The following SAMD8 variants were observed in gnomAD, a reference collection of about 807,000 sequenced individuals.
SAMD8 encodes the protein sphingomyelin synthase-related protein 1.
A neutral mutation model predicts 42.0 loss-of-function variants in SAMD8; 20 were observed. The ratio of observed to expected loss-of-function variants is 0.48; its 90% CI spans 0.34 to 0.69. SAMD8 has a LOEUF of 0.69. Ranked by LOEUF, SAMD8 falls within the 30% of genes least tolerant of loss-of-function variation. The pLI, the probability that SAMD8 is intolerant of heterozygous loss-of-function variation, is 0.01. For missense variants in SAMD8, 328 were observed against 511.6 expected (o/e 0.64, Z 3.46); for synonymous variants, 162 against 173.0 (o/e 0.94, Z 0.50).
chr10:75,106,943 C>G, upstream of SAMD8, among the ~76,000 whole-genome samples: 1 of 152,358 alleles, frequency 6.6e-6, no homozygotes, highest in Middle Eastern at 3.4e-3. Flanking sequence ...GTGAGGGACA[C>G]AGCTGTCTTC....
chr10:75,121,806 C>G (rs1332289493), intron 1 of SAMD8, among the ~76,000 whole-genome samples: 1 of 152,108 alleles, frequency 6.6e-6, no homozygotes, highest in Non-Finnish European at 1.5e-5. Context: ...ATTCTCCTGC[C>G]TCAGCCTCCC....
At chr10:75,115,636 A>T (rs1478578802) in intron 1 of SAMD8, among the ~76,000 whole-genome samples, 1 of 152,134 alleles carries the variant, frequency 6.6e-6, no homozygotes, top group Non-Finnish European at 1.5e-5. Context: ...TTGGGTCCTC[A>T]CAATACTATA....
rs551759327 is a variant in SAMD8 at position 75,116,924 on chromosome 10, C to T, written c.-16+5202C>T. The stretch of plus-strand genomic sequence containing the variant: ...TCCCGGGTTCAAGCAATTCTCCCAC[C>T]TCAGCCTCCCCAGTAGCTGGGATTA... On this transcript the variant is annotated intron_variant, in intron 1 of 5. Transcript: ENST00000542569. 2.5e-3 allele frequency among the ~76,000 whole-genome samples: 374 copies of T among 152,154 alleles called. 2 individuals are homozygous for T. Among genetic ancestry groups the T allele is most frequent in the Non-Finnish European group, 4.3e-3 (292 of 67,976 alleles).
At chr10:75,100,591 C>A (rs951792846) in intron 1 of SAMD8, among the ~76,000 whole-genome samples, 1 of 152,166 alleles carries the variant, frequency 6.6e-6, no homozygotes, top group Non-Finnish European at 1.5e-5. Flanking sequence ...GGCCCAACGT[C>A]CAGCAGGGCC....
At chr10:75,134,867 G>C (rs1048553050) in intron 1 of SAMD8, among the ~76,000 whole-genome samples, 1 of 151,122 alleles carries the variant, frequency 6.6e-6, no homozygotes, top group Non-Finnish European at 1.5e-5. Flanking sequence ...GACCAACCTG[G>C]GCAACATAGT....
intron 1 of SAMD8, among the ~76,000 whole-genome samples, chr10:75,124,481 C>T (rs891801611): frequency 1.3e-4 from 20 of 151,938 alleles, no homozygotes; most frequent in African/African-American, 4.6e-4. Context: ...GGCGTGGTGG[C>T]GCACGCCTGT....
upstream of SAMD8, chr10:75,108,276 GC>G (rs756023729): frequency 6.6e-7 from 1 of 1,523,116 alleles, no homozygotes; most frequent in Non-Finnish European, 8.7e-7. Context: ...GCTGTGCCTG[GC>G]CCCCTGCTGC....
chr10:75,159,360 G>GA (rs368350321), intron 2 of SAMD8, among the ~76,000 whole-genome samples: 158 of 152,082 alleles, frequency 1.0e-3, no homozygotes, highest in African/African-American at 3.7e-3. Context: ...CACCCAGCGG[G>GA]ACATGTATTA....
At chr10:75,114,351 G>A (rs571198645) in intron 1 of SAMD8, among the ~76,000 whole-genome samples, 3 of 143,956 alleles carry the variant, frequency 2.1e-5, no homozygotes, top group East Asian at 2.1e-4. Flanking sequence ...AAAAAAAATC[G>A]GTTTCTCTAA....
At chr10:75,108,308 G>A (rs1290021373), upstream of SAMD8, 18 of 1,487,160 alleles carry the variant, frequency 1.2e-5, no homozygotes, top group Non-Finnish European at 1.5e-5. Flanking sequence ...AGCCATTAGG[G>A]TCCAAAGAGA....
chr10:75,161,763 G>A (rs1840563178), intron 2 of SAMD8, among the ~76,000 whole-genome samples: 1 of 151,974 alleles, frequency 6.6e-6, no homozygotes, highest in South Asian at 2.1e-4. Flanking sequence ...GTTTACACCT[G>A]TAATCCTTTG....
At chr10:75,109,500 A>T (rs901296796), upstream of SAMD8, among the ~76,000 whole-genome samples, 1 of 152,240 alleles carries the variant, frequency 6.6e-6, no homozygotes, top group African/African-American at 2.4e-5. Context: ...GCTTAGAAAC[A>T]TCTGTGGAAT....
chr10:75,101,218 T>A (rs1848137777), intron 1 of SAMD8, among the ~76,000 whole-genome samples: 1 of 152,160 alleles, frequency 6.6e-6, no homozygotes. Flanking sequence ...CTTGCAGCTA[T>A]GTGGTCTTGT....
At chr10:75,148,190 C>T (rs570513008) in intron 1 of SAMD8, among the ~76,000 whole-genome samples, 2 of 152,142 alleles carry the variant, frequency 1.3e-5, no homozygotes, top group South Asian at 4.1e-4. Flanking sequence ...TGACATTCAT[C>T]TGTGGGTGGA....
chr10:75,122,641 G>A (rs528673612), intron 1 of SAMD8, among the ~76,000 whole-genome samples: 1 of 151,756 alleles, frequency 6.6e-6, no homozygotes, highest in Admixed American at 6.6e-5. Context: ...TTCTTGGCTG[G>A]GCACTGTGGC....
At chr10:75,106,101 C>CTTTTTTTTTT (rs767630456) in intron 1 of SAMD8, among the ~76,000 whole-genome samples, 2 of 123,018 alleles carry the variant, frequency 1.6e-5, no homozygotes, top group Admixed American at 7.9e-5. Context: ...TCTTTCTTTT[C>CTTTTTTTTTT]TTTTTTTTTT....
intron 2 of SAMD8, among the ~76,000 whole-genome samples, chr10:75,153,141 C>T (rs1280680565): frequency 6.6e-6 from 1 of 151,954 alleles, no homozygotes; most frequent in Non-Finnish European, 1.5e-5. Context: ...ACCACCACGA[C>T]CGGCTAATTT....
chr10:75,108,152 G>T (rs777018023), upstream of SAMD8: 7 of 1,612,926 alleles, frequency 4.3e-6, no homozygotes, highest in Non-Finnish European at 5.9e-6. Flanking sequence ...TGTGGGCGGC[G>T]TTCAGCACGT....
chr10:75,160,785 T>G (rs1054696272), intron 2 of SAMD8, among the ~76,000 whole-genome samples: 1 of 152,082 alleles, frequency 6.6e-6, no homozygotes, highest in Non-Finnish European at 1.5e-5. Flanking sequence ...ACTTCAGAGC[T>G]CCCATAAAAC....
Sources: gnomAD v4.1 joint callset for allele counts (sites outside exome capture counted in the v4.1 genomes callset) on GRCh38, gnomAD v4.1.1 for gene constraint, MANE v1.5 for transcripts, NCBI Gene and HGNC (gene_info 2026-07-23, HGNC 2026-07-21) for gene names.